Variants in SLC24A3 observed in about 807,000 individuals in gnomAD.
SLC24A3 encodes the protein sodium/potassium/calcium exchanger 3.
In SLC24A3, 28 loss-of-function variants were observed where a neutral mutation model predicts 75.8. The ratio of observed to expected loss-of-function variants is 0.37; its 90% CI spans 0.27 to 0.51. The LOEUF (loss-of-function observed/expected upper bound fraction) is 0.51. Among genes scored for constraint, SLC24A3 ranks in the 20% least tolerant of loss-of-function variants. SLC24A3 has a pLI of 0.94. For missense variants in SLC24A3, 663 were observed against 847.8 expected, an observed-to-expected ratio of 0.78 and a Z score of 2.71; for synonymous variants, 372 against 334.1, an observed-to-expected ratio of 1.11 and a Z score of -1.24.
At chr20:19,597,271 C>T (rs933539999) in intron 6 of SLC24A3, among the ~76,000 whole-genome samples, 1 of 151,962 alleles carries the variant, frequency 6.6e-6, no homozygotes, top group Non-Finnish European at 1.5e-5. Context: ...CCTATATTCC[C>T]CACTACTTGG....
chr20:19,619,875 T>A (rs974692273), intron 6 of SLC24A3, among the ~76,000 whole-genome samples: 4 of 152,180 alleles, frequency 2.6e-5, no homozygotes, highest in African/African-American at 9.7e-5. Context: ...TGTGTACAGA[T>A]TAAACTATGG....
chr20:19,289,605 G>T (rs778005557), intron 2 of SLC24A3, among the ~76,000 whole-genome samples: 9 of 152,156 alleles, frequency 5.9e-5, no homozygotes, highest in Non-Finnish European at 1.2e-4. Flanking sequence ...GTCACCTCCT[G>T]GTCCCAACAC....
chr20:19,436,092 T>A (rs1345655993), intron 2 of SLC24A3, among the ~76,000 whole-genome samples: 1 of 152,202 alleles, frequency 6.6e-6, no homozygotes, highest in Admixed American at 6.5e-5. Context: ...GTATTTACCA[T>A]GTGTCAGATA....
intron 2 of SLC24A3, among the ~76,000 whole-genome samples, chr20:19,497,343 ATACT>A (rs1488733810): frequency 1.3e-5 from 2 of 152,152 alleles, no homozygotes; most frequent in African/African-American, 4.8e-5. Flanking sequence ...TTGGAGAAAG[ATACT>A]TACCGCAAGG....
chr20:19,536,336 G>A (rs2030395542), intron 3 of SLC24A3, among the ~76,000 whole-genome samples: 2 of 152,134 alleles, frequency 1.3e-5, no homozygotes, highest in South Asian at 2.1e-4. Flanking sequence ...GGAACTTTGG[G>A]AGTGTTTCTG....
rs1366646513 is a variant in SLC24A3, at chr20:19,280,989, A to C, written c.173A>C (p.Asp58Ala). 3 of 1,614,010 alleles carry C rather than the reference A, an allele frequency of 1.9e-6. No individual in the cohort carries two copies. Among genetic ancestry groups the C allele is most frequent in the Non-Finnish European group, 2.5e-6 (3 of 1,179,952 alleles). The part of the protein sequence containing the change: ...ELDLMDLVGE[D>A]RKWMMARKLM... ...GACCTCATGGACCTCGTAGGGGAAG[A>C]CAGAAAGTGGATGATGGCGAGGAAG... The change falls in exon 2 of 17, where the codon GAC becomes GCC. Residue 58 changes from aspartate (D) to alanine (A), a missense_variant. By Grantham distance (126) the Asp-to-Ala change is moderately radical. This residue lies in a region of SLC24A3 where 153 missense variants were observed against 144.2 expected (regional missense o/e 1.06). Coordinates refer to ENST00000328041, the MANE Select transcript of SLC24A3 (RefSeq NM_020689.4).
chr20:19,682,211 C>T (rs1178435256), intron 10 of SLC24A3, among the ~76,000 whole-genome samples: 1 of 152,104 alleles, frequency 6.6e-6, no homozygotes, highest in Non-Finnish European at 1.5e-5. Flanking sequence ...GCCGAGATTG[C>T]TCTACTGCAC....
At chr20:19,523,465 T>C (rs2030140892) in intron 3 of SLC24A3, among the ~76,000 whole-genome samples, 1 of 152,174 alleles carries the variant, frequency 6.6e-6, no homozygotes, top group African/African-American at 2.4e-5. Context: ...AGAGAGTAAA[T>C]TATGTTTCCA....
intron 1 of SLC24A3, among the ~76,000 whole-genome samples, chr20:19,223,385 TA>T: frequency 6.6e-6 from 1 of 152,324 alleles, no homozygotes; most frequent in Middle Eastern, 3.4e-3. Flanking sequence ...TATAATATCA[TA>T]ACCAGGGTAA....
chr20:19,254,190 C>T (rs549716911), intron 1 of SLC24A3, among the ~76,000 whole-genome samples: 1 of 152,208 alleles, frequency 6.6e-6, no homozygotes, highest in South Asian at 2.1e-4. Flanking sequence ...CTAGTGTGCT[C>T]CCACAGAGTG....
Position 19,721,261 on chromosome 20 carries a change from GCCTCCGCT to G in SLC24A3, c.*125_*132del. On this transcript the variant is annotated 3_prime_UTR_variant, in exon 17 of 17. Coordinates refer to ENST00000328041, the MANE Select transcript of SLC24A3 (RefSeq NM_020689.4). ...TTCGTCTCTCCTGTGCTGTCCTCAG[GCCTCCGCT>G]CCTGTTTTGGTGGCCCAGGCTCTCC... The G allele has an allele frequency of 1.5e-6, 2 of 1,307,332 alleles. No individual in the cohort carries two copies. Among genetic ancestry groups the G allele is most frequent in the South Asian group, 2.8e-5 (2 of 70,336 alleles). 81.0% of individuals were successfully genotyped at this position (1,307,332 alleles called of 1,614,324 possible). A position where few individuals can be genotyped will look rare whatever the true frequency, so the allele number is the denominator to read the frequency against.
chr20:19,381,123 TC>T (rs1436773858), intron 2 of SLC24A3, among the ~76,000 whole-genome samples: 1 of 152,216 alleles, frequency 6.6e-6, no homozygotes, highest in East Asian at 1.9e-4. Flanking sequence ...AACAGAAGTG[TC>T]CTATATTGCT....
intron 6 of SLC24A3, among the ~76,000 whole-genome samples, chr20:19,619,832 T>C (rs189751457): frequency 6.6e-6 from 1 of 152,222 alleles, no homozygotes; most frequent in African/African-American, 2.4e-5. Flanking sequence ...AGACCAAGTC[T>C]GATTATGAGA....
At chr20:19,360,952 G>A (rs561847494) in intron 2 of SLC24A3, among the ~76,000 whole-genome samples, 6 of 151,974 alleles carry the variant, frequency 3.9e-5, no homozygotes, top group Non-Finnish European at 7.4e-5. Context: ...TCAGCCTCCC[G>A]AGTAGCTGGG....
rs1985090532 is a variant in SLC24A3 at position 19,334,815 on chromosome 20, G to A, written c.271+53728G>A. On this transcript the variant is annotated intron_variant, in intron 2 of 16. Coordinates refer to ENST00000328041, the MANE Select transcript of SLC24A3 (RefSeq NM_020689.4). ...TGCTGATTCCCACCTGCCATTCGCT[G>A]AGCCCTGCTTCTAGGGGTGTTTGTT... is the stretch of plus-strand genomic sequence containing the variant. Among the ~76,000 whole-genome samples the A allele has an allele frequency of 2.0e-5, 3 of 152,188 alleles. No homozygotes were observed. The South Asian group carries it at 6.2e-4, about 32-fold the overall frequency.
At chr20:19,646,855 G>GTGTGTC (rs1454083162) in intron 6 of SLC24A3, among the ~76,000 whole-genome samples, 1 of 151,676 alleles carries the variant, frequency 6.6e-6, no homozygotes, top group African/African-American at 2.4e-5. Context: ...GTGTGTGCGT[G>GTGTGTC]TGTGTGTGTG....
chr20:19,273,526 C>T (rs1163065459), intron 1 of SLC24A3, among the ~76,000 whole-genome samples: 2 of 152,148 alleles, frequency 1.3e-5, no homozygotes, highest in African/African-American at 2.4e-5. Flanking sequence ...CAGGTGCTTG[C>T]AGGCTCTGCA....
chr20:19,446,511 G>A (rs190250523), intron 2 of SLC24A3, among the ~76,000 whole-genome samples: 85 of 152,286 alleles, frequency 5.6e-4, no homozygotes, highest in African/African-American at 1.9e-3. Context: ...GCAAGCGTTC[G>A]GGGAAATTGT....
Position 19,721,015 on chromosome 20 carries a change from T to C in SLC24A3, c.1810T>C (p.Trp604Arg). Residue 604 changes from tryptophan to arginine, a missense_variant, in exon 17 of 17, where the codon TGG becomes CGG. Trp to Arg is a moderately radical substitution (Grantham distance 101). Around this residue, in one of 2 missense-constraint regions of SLC24A3, gnomAD observed 510 missense variants for 703.6 expected, o/e 0.72. Transcript: ENST00000328041. ...VTVFGVHLNK[W>R]QLDKKLGCGC... Reference sequence around the variant, plus strand: ...GGTGTTCGGCGTCCACCTGAACAAGTGGCAGCTGGACAAGAAGCTGGGCTG... The same window carrying C: ...GGTGTTCGGCGTCCACCTGAACAAGCGGCAGCTGGACAAGAAGCTGGGCTG... 1 of 1,613,972 alleles carries C rather than the reference T, an allele frequency of 6.2e-7. No individual in the cohort carries two copies. Among genetic ancestry groups the C allele is most frequent in the Non-Finnish European group, 8.5e-7 (1 of 1,179,972 alleles).
Sources: gnomAD v4.1 joint callset for allele counts (sites outside exome capture counted in the v4.1 genomes callset) on GRCh38, gnomAD v4.1.1 for gene constraint, gnomAD v4.1.1 regional missense constraint, MANE v1.5 for transcripts, NCBI Gene and HGNC (gene_info 2026-07-23, HGNC 2026-07-21) for gene names.